The following PCDHA12 variants were observed in gnomAD, a reference collection of about 807,000 sequenced individuals.
PCDHA12 encodes the protein protocadherin alpha 12, also known as protocadherin alpha-12.
A neutral mutation model predicts 60.0 loss-of-function variants in PCDHA12; 44 were observed. The ratio of observed to expected loss-of-function variants is 0.73; its 90% confidence interval spans 0.58 to 0.94. The LOEUF is 0.94. Among genes scored for constraint, PCDHA12 ranks in the 40% least tolerant of loss-of-function variants. PCDHA12 has a pLI of 0.00. For synonymous variants in PCDHA12, 569 were observed against 553.0 expected, an observed-to-expected ratio of 1.03 and a Z score of -0.40; for missense variants, 1,276 against 1,239.7, an observed-to-expected ratio of 1.03 and a Z score of -0.44.
At chr5:140,906,099 T>G (rs1377633678) in intron 1 of PCDHA12, among the ~76,000 whole-genome samples, 1 of 152,118 alleles carries the variant, frequency 6.6e-6, no homozygotes, top group African/African-American at 2.4e-5. Flanking sequence ...AGTAAGTGTG[T>G]CTTTCCCAGT....
intron 1 of PCDHA12, 103 bp downstream of exon 1, chr5:140,877,942 C>T: frequency 7.3e-7 from 1 of 1,367,876 alleles, no homozygotes; most frequent in Admixed American, 3.1e-5. Flanking sequence ...ATCCTTTAAA[C>T]TATCGAATGT....
intron 3 of PCDHA12, among the ~76,000 whole-genome samples, chr5:140,997,130 C>T (rs1480730795): frequency 6.6e-6 from 1 of 151,984 alleles, no homozygotes; most frequent in Non-Finnish European, 1.5e-5. Flanking sequence ...TACACAATGC[C>T]CCCACACCCC....
At chr5:140,993,509 CGG>C (rs2097568014) in intron 3 of PCDHA12, among the ~76,000 whole-genome samples, 2 of 143,600 alleles carry the variant, frequency 1.4e-5, no homozygotes, top group South Asian at 4.6e-4. Context: ...CACACACACA[CGG>C]GGAGAGAGAG....
At chr5:140,971,715 T>C (rs2096493906) in intron 1 of PCDHA12, among the ~76,000 whole-genome samples, 1 of 152,048 alleles carries the variant, frequency 6.6e-6, no homozygotes. Context: ...TATATAGATA[T>C]ATGTATATCA....
At chr5:140,958,925 G>T (rs980567381) in intron 1 of PCDHA12, among the ~76,000 whole-genome samples, 1 of 144,748 alleles carries the variant, frequency 6.9e-6, no homozygotes, top group African/African-American at 2.6e-5. Flanking sequence ...GGGTGTGGTG[G>T]CTCATACTTG....
chr5:140,967,985 A>G, intron 1 of PCDHA12: 3 of 1,614,218 alleles, frequency 1.9e-6, no homozygotes, highest in East Asian at 4.5e-5. Flanking sequence ...TCTGGAGGCC[A>G]CACTGCCTTT....
intron 1 of PCDHA12, among the ~76,000 whole-genome samples, chr5:140,960,222 A>G (rs1364451029): frequency 2.6e-5 from 4 of 152,206 alleles, no homozygotes; most frequent in African/African-American, 9.6e-5. Flanking sequence ...ATCTCAAGAA[A>G]CAGAGCCATG....
intron 1 of PCDHA12, chr5:140,884,515 G>T: frequency 6.2e-6 from 10 of 1,614,176 alleles, no homozygotes; most frequent in South Asian, 1.1e-5. Context: ...GGAGTTGGTC[G>T]TACTCGCAGC....
At chr5:140,941,219 C>CTTTCTTTCTT (rs1563186292) in intron 1 of PCDHA12, among the ~76,000 whole-genome samples, 18 of 125,974 alleles carry the variant, frequency 1.4e-4, no homozygotes, top group African/African-American at 4.5e-4. Context: ...TTCTTCCTTT[C>CTTTCTTTCTT]TTTCTTTCTT....
At chr5:140,898,054 A>G (rs1401215235) in intron 1 of PCDHA12, among the ~76,000 whole-genome samples, 2 of 151,638 alleles carry the variant, frequency 1.3e-5, no homozygotes, top group African/African-American at 4.8e-5. Flanking sequence ...TTTTCTTGTA[A>G]ATTTGTTTGA....
In PCDHA12 at chr5:140,978,986, C is replaced by T. The variant is rs138901709; in HGVS notation, c.2405C>T (p.Ser802Phe). The change falls in exon 2 of 4, where the codon TCC (serine) becomes TTC (phenylalanine). Residue 802 changes from serine (S) to phenylalanine (F), a missense_variant. Physicochemically the swap from Ser to Phe is radical, Grantham distance 155. Transcript: ENST00000398631. ...AACCCTGACTGGCGTTACTCTGCCT[C>T]CCTGAGAGCAGGCATGCACAGGTAT... Reference protein sequence around the residue: ...QPNPDWRYSASLRAGMHSSVH... With the variant: ...QPNPDWRYSAFLRAGMHSSVH... 56 of 1,614,072 alleles carry T rather than the reference C, an allele frequency of 3.5e-5. No individual in the cohort carries two copies. The highest frequency in any genetic ancestry group is 4.5e-5 in the Non-Finnish European group (53 of 1,180,028).
intron 1 of PCDHA12, among the ~76,000 whole-genome samples, chr5:140,975,592 C>A (rs2096673847): frequency 6.6e-6 from 1 of 152,170 alleles, no homozygotes; most frequent in Non-Finnish European, 1.5e-5. Context: ...TCCCAGAGGG[C>A]AATTTGTTGA....
At chr5:140,935,570 T>C (rs2090442737) in intron 1 of PCDHA12, among the ~76,000 whole-genome samples, 1 of 152,236 alleles carries the variant, frequency 6.6e-6, no homozygotes, top group South Asian at 2.1e-4. Context: ...TTCCTCTCTG[T>C]GTAGTTAAGC....
At chr5:140,961,108 C>T (rs1027018505) in intron 1 of PCDHA12, among the ~76,000 whole-genome samples, 1 of 152,174 alleles carries the variant, frequency 6.6e-6, no homozygotes, top group Non-Finnish European at 1.5e-5. Flanking sequence ...CACCCAACCC[C>T]CTTGCATCTT....
At chr5:140,882,016 A>T in intron 1 of PCDHA12, 1 of 543,846 alleles carries the variant, frequency 1.8e-6, no homozygotes, top group Non-Finnish European at 3.0e-6. Context: ...AAAAAATACT[A>T]CATCAATGGA....
chr5:140,968,134 G>C, intron 1 of PCDHA12: 1 of 1,614,146 alleles, frequency 6.2e-7, no homozygotes, highest in Non-Finnish European at 8.5e-7. Context: ...GTACACTGAA[G>C]GTTGAGATCT....
At chr5:140,929,330 G>A (rs2086062257) in intron 1 of PCDHA12, 1 of 1,535,218 alleles carries the variant, frequency 6.5e-7, no homozygotes, top group Non-Finnish European at 8.8e-7. Flanking sequence ...GCCATGGTAA[G>A]CAAATTTTAT....
chr5:140,964,759 G>T (rs1419505922), intron 1 of PCDHA12, among the ~76,000 whole-genome samples: 6 of 151,804 alleles, frequency 4.0e-5, no homozygotes, highest in Non-Finnish European at 7.4e-5. Context: ...GATGTTTGGG[G>T]AGGATGCAGA....
At position 140,937,762 on chromosome 5, in the gene PCDHA12, A is replaced by T. The variant is rs955142751; in HGVS notation, c.2368-41187A>T. Among the ~76,000 whole-genome samples, 6 of 151,868 alleles carry T rather than the reference A, an allele frequency of 4.0e-5. No individual in the cohort carries two copies. The South Asian group carries it at 6.2e-4, about 16-fold the overall frequency. On this transcript the variant is annotated intron_variant, in intron 1 of 3. Coordinates refer to ENST00000398631, the MANE Select transcript of PCDHA12 (RefSeq NM_018903.4). ...CCCGTCTCTACTAAAAATACAAAAA[A>T]TTAGTCGGGCGTGGTGGCGGGCGTA... is the stretch of plus-strand genomic sequence containing the variant.
Sources: gnomAD v4.1 joint callset for allele counts (sites outside exome capture counted in the v4.1 genomes callset) on GRCh38, gnomAD v4.1.1 for gene constraint, MANE v1.5 for transcripts, NCBI Gene and HGNC (gene_info 2026-07-23, HGNC 2026-07-21) for gene names.